Variants in GPAT4 observed in about 807,000 individuals in gnomAD.
GPAT4 encodes the protein 1-AGP acyltransferase 6.
A neutral mutation model predicts 58.0 loss-of-function variants in GPAT4; 17 were observed. The ratio of observed to expected loss-of-function variants is 0.29; its 90% CI spans 0.20 to 0.44. The LOEUF (loss-of-function observed/expected upper bound fraction) is 0.44, where lower values mean the gene tolerates loss of function less well. GPAT4 is among the 20% of genes least tolerant of loss of function. GPAT4 has a pLI of 1.00. For synonymous variants in GPAT4, 204 were observed against 210.1 expected (o/e 0.97, Z 0.25); for missense variants, 377 against 574.5 (o/e 0.66, Z 3.51).
In GPAT4 at chr8:41,621,033, G is replaced by A. The variant is rs370680643; in HGVS notation, c.*32G>A. ...CTCCAGCTGGCTGGGGCCACCGTGC[G>A]GGGTGCCAACGGGCTCAGAGCTGGA... On this transcript the variant is annotated 3_prime_UTR_variant, in exon 13 of 13. Transcript: ENST00000396987. 152 of 1,550,036 alleles carry A rather than the reference G, an allele frequency of 9.8e-5. No individual in the cohort carries two copies. The highest frequency in any genetic ancestry group is 4.9e-4 in the African/African-American group (36 of 73,140).
intron 2 of GPAT4, among the ~76,000 whole-genome samples, chr8:41,600,232 G>T (rs1803051288): frequency 6.6e-6 from 1 of 151,648 alleles, no homozygotes; most frequent in Admixed American, 6.6e-5. Flanking sequence ...TAGAGATAGG[G>T]TTTCACCATG....
Position 41,612,243 on chromosome 8 carries a change from C to G in GPAT4, c.765C>G (p.Ile255Met). 6.2e-7 allele frequency: 1 copy of G among 1,614,254 alleles called. No homozygotes were observed. Among genetic ancestry groups the G allele is most frequent in the Non-Finnish European group, 8.5e-7 (1 of 1,180,058 alleles). ...VANHTSPIDV[I>M]ILASDGYYAM... is the part of the protein sequence containing the mutation. ...ATCATACCTCACCGATCGATGTGAT[C>G]ATCTTGGCCAGCGATGGCTATTATG... The change falls in exon 7 of 13, where the codon ATC becomes ATG. Residue 255 changes from isoleucine to methionine, a missense_variant. Transcript: ENST00000396987.
chr8:41,579,461 T>G (rs1278554012), intron 1 of GPAT4, among the ~76,000 whole-genome samples: 3 of 152,212 alleles, frequency 2.0e-5, no homozygotes, highest in Non-Finnish European at 2.9e-5. Context: ...CACAGCCTAC[T>G]CATGAGGTCT....
At chr8:41,605,277 A>G (rs1292971926) in intron 2 of GPAT4, among the ~76,000 whole-genome samples, 2 of 152,216 alleles carry the variant, frequency 1.3e-5, no homozygotes, top group African/African-American at 4.8e-5. Context: ...ACTCAGAATG[A>G]ATTAGTTGAA....
chr8:41,617,454 C>T (rs1329020831), intron 10 of GPAT4, among the ~76,000 whole-genome samples: 1 of 152,072 alleles, frequency 6.6e-6, no homozygotes, highest in Admixed American at 6.5e-5. Flanking sequence ...ATTATTTTCC[C>T]TTGTTTCTGT....
intron 10 of GPAT4, 189 bp from the exon 11 acceptor site, chr8:41,618,495 G>T: frequency 1.4e-6 from 1 of 701,224 alleles, no homozygotes; most frequent in Non-Finnish European, 2.4e-6. Context: ...GGTTCCTCGG[G>T]GGAGATCAGT....
intron 1 of GPAT4, among the ~76,000 whole-genome samples, chr8:41,593,173 A>G (rs911043928): frequency 2.6e-5 from 4 of 152,136 alleles, no homozygotes; most frequent in African/African-American, 9.7e-5. Context: ...TGTTCTGGCT[A>G]ATACTTTACT....
At chr8:41,587,170 GT>G (rs1802677103) in intron 1 of GPAT4, among the ~76,000 whole-genome samples, 1 of 152,168 alleles carries the variant, frequency 6.6e-6, no homozygotes, top group Admixed American at 6.5e-5. Context: ...TTATGTTCCT[GT>G]TTTCTGGAGA....
intron 10 of GPAT4, 91 bp downstream of exon 10, chr8:41,615,139 C>G: frequency 8.3e-7 from 1 of 1,198,618 alleles, no homozygotes; most frequent in Non-Finnish European, 1.2e-6. Context: ...GCTGGGGTCA[C>G]CAGTCTGTGG....
chr8:41,609,346 G>A, intron 2 of GPAT4, 70 bp from the exon 3 acceptor site: 1 of 1,460,926 alleles, frequency 6.8e-7, no homozygotes, highest in Non-Finnish European at 9.6e-7. Context: ...ACAGAATAGA[G>A]ATGGAGGTGT....
chr8:41,585,676 T>G (rs76824527), intron 1 of GPAT4, among the ~76,000 whole-genome samples: 27,031 of 152,186 alleles, frequency 0.18, 2,480 homozygotes, highest in East Asian at 0.29. Flanking sequence ...AAGCATGGAA[T>G]GTGACTTTTT....
At chr8:41,614,328 T>C (rs1280375965) in intron 8 of GPAT4, 58 bp from the exon 9 acceptor site, 1 of 1,423,664 alleles carries the variant, frequency 7.0e-7, no homozygotes, top group Non-Finnish European at 9.7e-7. Flanking sequence ...TTTATAAACA[T>C]ATTTTGACGA....
chr8:41,622,770 C>T lies in GPAT4; in HGVS notation c.*1769C>T, dbSNP rs947276744. The T allele has an allele frequency of 2.6e-5, 4 of 152,012 alleles. No homozygotes were observed. Among genetic ancestry groups the T allele is most frequent in the African/African-American group, 7.3e-5 (3 of 41,366 alleles). 9.4% of individuals were successfully genotyped at this position (152,012 alleles called of 1,614,324 possible). ...TTCCTCACCTGCCCTGTTGCCAGCC[C>T]GGGGGAAATCTTTTTGCTCTCAAAT... On this transcript the variant is annotated 3_prime_UTR_variant, in exon 13 of 13. Transcript: ENST00000396987.
intron 12 of GPAT4, chr8:41,619,266 C>T (rs887495501): frequency 4.3e-6 from 2 of 465,636 alleles, no homozygotes; most frequent in South Asian, 5.4e-5. Context: ...TGGGCATGAC[C>T]TGCTACTGAT....
chr8:41,619,463 C>A, intron 12 of GPAT4: 1 of 175,144 alleles, frequency 5.7e-6, no homozygotes, highest in Admixed American at 5.4e-5. Context: ...GTGTCTGTTG[C>A]AGCTACTGAT....
intron 1 of GPAT4, among the ~76,000 whole-genome samples, chr8:41,582,487 C>A (rs1160692518): frequency 6.6e-6 from 1 of 150,410 alleles, no homozygotes; most frequent in African/African-American, 2.4e-5. Flanking sequence ...ATCTTTCTTT[C>A]TTTCTTTGCC....
Position 41,609,692 on chromosome 8 carries a change from G to A in GPAT4, c.273G>A (p.Glu91=), listed in dbSNP as rs1212656275. ...IAKDPTSLEE[E]IKEIRRSGSS... ...AGGATCCCACTTCACTAGAAGAAGA[G>A]ATCAAAGAGATTCGTCGAAGTGGTA... The change falls in exon 4 of 13, where the codon GAG becomes GAA. Residue 91 remains glutamate, a synonymous_variant. Coordinates refer to ENST00000396987, the MANE Select transcript of GPAT4 (RefSeq NM_178819.4). The A allele has an allele frequency of 3.1e-6, 5 of 1,613,976 alleles. No homozygotes were observed. In the South Asian group the frequency reaches 3.3e-5, roughly 11 times the overall value.
intron 1 of GPAT4, among the ~76,000 whole-genome samples, chr8:41,595,452 C>T (rs1156975464): frequency 6.8e-6 from 1 of 147,052 alleles, no homozygotes; most frequent in African/African-American, 2.5e-5. Context: ...GTTGCCACTA[C>T]AGATTGAATG....
intron 2 of GPAT4, among the ~76,000 whole-genome samples, chr8:41,601,336 T>C (rs1284781874): frequency 6.6e-6 from 1 of 152,208 alleles, no homozygotes; most frequent in African/African-American, 2.4e-5. Flanking sequence ...AGTCAGTCTT[T>C]GGACTGGCTG....
Sources: allele counts gnomAD v4.1 joint callset (sites outside exome capture counted in the v4.1 genomes callset), GRCh38; gene constraint gnomAD v4.1.1; transcripts MANE v1.5; gene names NCBI Gene and HGNC (gene_info 2026-07-23, HGNC 2026-07-21).